The following AFF3 variants were observed in gnomAD, a reference collection of about 807,000 sequenced individuals.
AFF3 encodes ALF transcription elongation factor 3.
A neutral mutation model predicts 129.7 loss-of-function variants in AFF3; 32 were observed. That is an observed-to-expected ratio of 0.25 (90% CI 0.19 to 0.33). The LOEUF (loss-of-function observed/expected upper bound fraction) is 0.33. Ranked by LOEUF, AFF3 falls within the 10% of genes least tolerant of loss-of-function variation. The pLI, the probability that AFF3 is intolerant of heterozygous loss-of-function variation, is 1.00. For missense variants in AFF3, 1,373 were observed against 1,592.0 expected, an observed-to-expected ratio of 0.86 and a Z score of 2.34; for synonymous variants, 644 against 635.4, an observed-to-expected ratio of 1.01 and a Z score of -0.20.
At chr2:100,072,862 C>T (rs1185654388) in intron 4 of AFF3, among the ~76,000 whole-genome samples, 2 of 152,156 alleles carry the variant, frequency 1.3e-5, no homozygotes, top group East Asian at 1.9e-4. Flanking sequence ...CCTGCCATCC[C>T]TTTTACCTTA....
intron 8 of AFF3, among the ~76,000 whole-genome samples, chr2:99,761,923 A>G (rs1682631368): frequency 6.6e-6 from 1 of 151,946 alleles, no homozygotes; most frequent in Non-Finnish European, 1.5e-5. Context: ...CTGCTTTTCT[A>G]TACACTGTCT....
intron 1 of AFF3, among the ~76,000 whole-genome samples, chr2:100,136,818 G>T (rs1692657711): frequency 6.6e-6 from 1 of 152,002 alleles, no homozygotes; most frequent in African/African-American, 2.4e-5. Context: ...ATAAAAATTG[G>T]TTTCCTGAGA....
chr2:99,938,874 G>C (rs1472516118), intron 7 of AFF3, among the ~76,000 whole-genome samples: 2 of 152,204 alleles, frequency 1.3e-5, no homozygotes, highest in Non-Finnish European at 2.9e-5. Flanking sequence ...CAGAGACAGA[G>C]AGATTCTATG....
At chr2:99,958,993 A>C (rs1019317368) in intron 7 of AFF3, among the ~76,000 whole-genome samples, 1 of 151,912 alleles carries the variant, frequency 6.6e-6, no homozygotes, top group Non-Finnish European at 1.5e-5. Flanking sequence ...GCTACTTGGG[A>C]GGCTAAGGTG....
At position 99,837,484 on chromosome 2, in the gene AFF3, A is replaced by G. The variant is rs760156049; in HGVS notation, c.914T>C (p.Ile305Thr). 9 of 1,613,758 alleles carry G rather than the reference A, an allele frequency of 5.6e-6. No individual in the cohort carries two copies. Among genetic ancestry groups the G allele is most frequent in the Non-Finnish European group, 7.6e-6 (9 of 1,179,748 alleles). Residue 305 changes from isoleucine (I) to threonine (T), a missense_variant, in exon 8 of 25, where the codon ATA becomes ACA. This residue lies in a region of AFF3 where 413 missense variants were observed against 424.4 expected (regional missense o/e 0.97). Transcript: ENST00000672756. ...SGETNSCVEE[I>T]IREMTWLPPL... ...TTTAAAGAATAATCTTACCCGGATT[A>G]TTTCTTCAACACAGCTGTTGGTTTC...
intron 8 of AFF3, among the ~76,000 whole-genome samples, chr2:99,820,514 C>T (rs749349924): frequency 1.3e-5 from 2 of 151,920 alleles, no homozygotes; most frequent in African/African-American, 4.8e-5. Flanking sequence ...TTACCGTACA[C>T]TACTGTAGAC....
intron 8 of AFF3, among the ~76,000 whole-genome samples, chr2:99,814,369 T>C (rs1239661177): frequency 6.6e-6 from 1 of 152,020 alleles, no homozygotes; most frequent in Non-Finnish European, 1.5e-5. Flanking sequence ...CAGAAGGGTA[T>C]ACTGGATGTG....
intron 4 of AFF3, among the ~76,000 whole-genome samples, chr2:100,015,018 A>G (rs1428751010): frequency 1.4e-5 from 2 of 139,818 alleles, no homozygotes; most frequent in Non-Finnish European, 3.0e-5. Flanking sequence ...GTTAGCCAGG[A>G]TGGTCTCGAT....
intron 9 of AFF3, among the ~76,000 whole-genome samples, chr2:99,745,168 G>T (rs1421839459): frequency 6.6e-6 from 1 of 152,046 alleles, no homozygotes; most frequent in Non-Finnish European, 1.5e-5. Context: ...TTGGCCATTT[G>T]TACATCTTTG....
intron 7 of AFF3, among the ~76,000 whole-genome samples, chr2:99,898,598 ACAG>A (rs1293284643): frequency 6.6e-6 from 1 of 152,116 alleles, no homozygotes; most frequent in Non-Finnish European, 1.5e-5. Context: ...GCATGGCATC[ACAG>A]TCTTGTCCAC....
chr2:99,565,049 A>G (rs957804035), intron 20 of AFF3, among the ~76,000 whole-genome samples: 8 of 152,258 alleles, frequency 5.3e-5, no homozygotes, highest in African/African-American at 1.9e-4. Flanking sequence ...CAGACAGTAT[A>G]AGATGGCTTC....
intron 4 of AFF3, among the ~76,000 whole-genome samples, chr2:100,026,825 C>T (rs2104920819): frequency 6.6e-6 from 1 of 150,790 alleles, no homozygotes; most frequent in African/African-American, 2.4e-5. Context: ...TGAAGTAACT[C>T]AGGAATGGAA....
rs1178315908 is a variant in AFF3 at position 99,593,576 on chromosome 2, G to A, written c.2085C>T (p.Thr695=). 3 of 1,613,028 alleles carry A rather than the reference G, an allele frequency of 1.9e-6. No homozygotes were observed. The highest frequency in any genetic ancestry group is 2.7e-5 in the African/African-American group (2 of 74,908). ...QEEYPLSKAQ[T]VAASASSGND... Reference sequence around the variant, plus strand: ...TCCCGGAGGAGGCAGAGGCAGCCACGGTCTGTGCTTTGGACAGAGGGTACT... The same window carrying A: ...TCCCGGAGGAGGCAGAGGCAGCCACAGTCTGTGCTTTGGACAGAGGGTACT... The change falls in exon 15 of 25, where the codon ACC becomes ACT. Residue 695 remains threonine (T), a synonymous_variant. Coordinates refer to ENST00000672756, the MANE Select transcript of AFF3 (RefSeq NM_001386135.1).
At chr2:99,992,769 G>GTTT in intron 7 of AFF3, among the ~76,000 whole-genome samples, 1 of 152,320 alleles carries the variant, frequency 6.6e-6, no homozygotes, top group Admixed American at 6.5e-5. Flanking sequence ...TCAGAAAGTC[G>GTTT]TAAGTGAGAT....
chr2:100,011,676 G>C, intron 4 of AFF3: 1 of 741,666 alleles, frequency 1.3e-6, no homozygotes, highest in Admixed American at 1.8e-5. Flanking sequence ...CAGAAGCCGA[G>C]GGGAAAGAAT....
intron 4 of AFF3, among the ~76,000 whole-genome samples, chr2:100,012,104 A>G (rs1687555893): frequency 6.6e-6 from 1 of 152,160 alleles, no homozygotes; most frequent in Non-Finnish European, 1.5e-5. Context: ...GAACACCCTC[A>G]GGACCACTTA....
At chr2:100,088,789 A>T (rs920361674) in intron 4 of AFF3, among the ~76,000 whole-genome samples, 2 of 152,096 alleles carry the variant, frequency 1.3e-5, no homozygotes, top group African/African-American at 4.8e-5. Flanking sequence ...TAAACTGGAA[A>T]GTAACGGCTA....
chr2:99,721,573 CCTTT>C (rs1019852255), intron 11 of AFF3, among the ~76,000 whole-genome samples: 1 of 151,536 alleles, frequency 6.6e-6, no homozygotes, highest in African/African-American at 2.4e-5. Context: ...GACAGTTCTT[CCTTT>C]TTCTCTTTTG....
intron 13 of AFF3, among the ~76,000 whole-genome samples, chr2:99,606,291 TC>T (rs1481449173): frequency 1.3e-5 from 2 of 152,146 alleles, no homozygotes; most frequent in Admixed American, 1.3e-4. Context: ...GTGGATTTTT[TC>T]CTGAAATGAT....
Sources: gnomAD v4.1 joint callset for allele counts (sites outside exome capture counted in the v4.1 genomes callset) on GRCh38, gnomAD v4.1.1 for gene constraint, gnomAD v4.1.1 regional missense constraint, MANE v1.5 for transcripts, NCBI Gene and HGNC (gene_info 2026-07-23, HGNC 2026-07-21) for gene names.